SGSM1: variants seen among roughly 807,000 people sequenced by gnomAD.
SGSM1 encodes RUN and TBC1 domain containing 2.
In SGSM1, 73 loss-of-function variants were observed where a neutral mutation model predicts 133.8. That is an observed-to-expected ratio of 0.55 (90% CI 0.45 to 0.66). The LOEUF (loss-of-function observed/expected upper bound fraction) is 0.66. Among genes scored for constraint, SGSM1 ranks in the 30% least tolerant of loss-of-function variants. The pLI, the probability that SGSM1 is intolerant of heterozygous loss-of-function variation, is 0.00. For missense variants in SGSM1, 1,213 were observed against 1,448.1 expected, an observed-to-expected ratio of 0.84 and a Z score of 2.64; for synonymous variants, 563 against 573.0, an observed-to-expected ratio of 0.98 and a Z score of 0.25.
chr22:24,834,692 C>T (rs900645514), intron 2 of SGSM1, among the ~76,000 whole-genome samples: 5 of 151,932 alleles, frequency 3.3e-5, no homozygotes, highest in Admixed American at 3.3e-4. Flanking sequence ...CCCTCCTTGG[C>T]TTATAGGTGG....
intron 12 of SGSM1, among the ~76,000 whole-genome samples, chr22:24,870,226 G>T (rs1412629774): frequency 6.6e-6 from 1 of 152,204 alleles, no homozygotes; most frequent in East Asian, 1.9e-4. Flanking sequence ...CACTATCCTG[G>T]CTGGACACCA....
intron 2 of SGSM1, 118 bp from the exon 3 acceptor site, chr22:24,844,779 A>G: frequency 1.2e-6 from 1 of 803,228 alleles, no homozygotes; most frequent in Non-Finnish European, 1.9e-6. Context: ...AGGTGTCAAA[A>G]CATCCCAAAC....
chr22:24,882,012 G>A (rs886291149), intron 14 of SGSM1, among the ~76,000 whole-genome samples: 1 of 151,918 alleles, frequency 6.6e-6, no homozygotes, highest in African/African-American at 2.4e-5. Flanking sequence ...ACTGACTTGG[G>A]GGGGGGCCTT....
chr22:24,877,269 C>G (rs1041567003), intron 13 of SGSM1, among the ~76,000 whole-genome samples: 6 of 152,202 alleles, frequency 3.9e-5, no homozygotes, highest in African/African-American at 1.4e-4. Context: ...TTTGCACCCC[C>G]ACACAGTGGA....
intron 2 of SGSM1, among the ~76,000 whole-genome samples, chr22:24,816,184 A>G (rs1360872747): frequency 1.3e-5 from 2 of 152,170 alleles, no homozygotes; most frequent in African/African-American, 2.4e-5. Flanking sequence ...ACCTTCCTAC[A>G]CAGTAGGTAC....
intron 2 of SGSM1, among the ~76,000 whole-genome samples, chr22:24,812,177 G>GA (rs60027692): frequency 0.33 from 34,745 of 105,770 alleles, 5,344 homozygotes; most frequent in East Asian, 0.59. Context: ...CTCAAAAAAA[G>GA]AAAAAAAAAA....
At chr22:24,868,329 C>T (rs371833881) in intron 10 of SGSM1, 47 bp from the exon 11 acceptor site, 39 of 1,578,100 alleles carry the variant, frequency 2.5e-5, no homozygotes, top group Non-Finnish European at 3.3e-5. Flanking sequence ...GTCACCGTGC[C>T]TCATAGTGAC....
chr22:24,859,296 C>T (rs1456320395), intron 8 of SGSM1, among the ~76,000 whole-genome samples: 2 of 152,188 alleles, frequency 1.3e-5, no homozygotes, highest in East Asian at 3.9e-4. Context: ...TGAGTATTGT[C>T]TCTAGGAAGG....
At chr22:24,908,495 A>G (rs1933490956) in intron 21 of SGSM1, among the ~76,000 whole-genome samples, 1 of 152,184 alleles carries the variant, frequency 6.6e-6, no homozygotes, top group Non-Finnish European at 1.5e-5. Context: ...AACAACTCTT[A>G]CAATTCAACG....
At position 24,807,092 on chromosome 22, in the gene SGSM1, A is replaced by G. The variant is rs754319119; in HGVS notation, c.63+608A>G. ...ACTCCCACCCCACATTCAGAGGGTG[A>G]GAATCAGAGAGGTTCTGCCATTCCT... On this transcript the variant is annotated intron_variant, in intron 2 of 24. Transcript: ENST00000400358. Among the ~76,000 whole-genome samples, 208 of 150,902 alleles carry G rather than the reference A, an allele frequency of 1.4e-3. 4 individuals carry two copies. Among genetic ancestry groups the G allele is most frequent in the Non-Finnish European group, 4.3e-4 (29 of 67,710 alleles).
At chr22:24,922,437 C>T (rs1239921937) in intron 24 of SGSM1, among the ~76,000 whole-genome samples, 3 of 150,222 alleles carry the variant, frequency 2.0e-5, no homozygotes, top group African/African-American at 7.4e-5. Context: ...ACCTCGGCCT[C>T]CCAAAGATCT....
At chr22:24,810,280 G>T (rs1601878972) in intron 2 of SGSM1, among the ~76,000 whole-genome samples, 2 of 151,840 alleles carry the variant, frequency 1.3e-5, no homozygotes, top group Admixed American at 6.6e-5. Context: ...GATTCAGCTG[G>T]CAAGATAAAC....
intron 18 of SGSM1, among the ~76,000 whole-genome samples, chr22:24,896,106 T>C (rs576229781): frequency 6.6e-6 from 1 of 152,228 alleles, no homozygotes; most frequent in East Asian, 1.9e-4. Flanking sequence ...TGTCACCTTT[T>C]GTGTAAGAAG....
chr22:24,911,555 C>T (rs1483042317), intron 21 of SGSM1, among the ~76,000 whole-genome samples: 2 of 152,108 alleles, frequency 1.3e-5, no homozygotes, highest in Non-Finnish European at 2.9e-5. Context: ...ACAAACACGA[C>T]CTCAGCCAGG....
intron 2 of SGSM1, among the ~76,000 whole-genome samples, chr22:24,829,964 G>A (rs1929015801): frequency 6.6e-6 from 1 of 152,174 alleles, no homozygotes. Flanking sequence ...AATGGGGAGA[G>A]GGTGAGCTGA....
chr22:24,909,351 C>A (rs1042290569), intron 21 of SGSM1, among the ~76,000 whole-genome samples: 8 of 152,028 alleles, frequency 5.3e-5, no homozygotes, highest in Admixed American at 2.6e-4. Flanking sequence ...AGAATCAAAA[C>A]AATAGAAAAT....
intron 2 of SGSM1, among the ~76,000 whole-genome samples, chr22:24,843,300 G>A (rs1929912952): frequency 6.6e-6 from 1 of 152,146 alleles, no homozygotes; most frequent in Admixed American, 6.5e-5. Context: ...GCCAGCTCTA[G>A]GGGGACACTG....
At chr22:24,812,428 C>T (rs1394323632) in intron 2 of SGSM1, among the ~76,000 whole-genome samples, 3 of 152,164 alleles carry the variant, frequency 2.0e-5, no homozygotes, top group Admixed American at 2.0e-4. Flanking sequence ...GGATTCAAAC[C>T]TCATGTTGCC....
intron 14 of SGSM1, among the ~76,000 whole-genome samples, chr22:24,882,481 T>C (rs1209193165): frequency 6.6e-6 from 1 of 152,256 alleles, no homozygotes; most frequent in Non-Finnish European, 1.5e-5. Flanking sequence ...CAGGTAATTG[T>C]GAAATTCATC....
Sources: allele counts gnomAD v4.1 joint callset (sites outside exome capture counted in the v4.1 genomes callset), GRCh38; gene constraint gnomAD v4.1.1; transcripts MANE v1.5; gene names NCBI Gene and HGNC (gene_info 2026-07-23, HGNC 2026-07-21).